The following INSL6 variants were observed in gnomAD, a reference collection of about 807,000 sequenced individuals.
INSL6 encodes insulin like 6.
A neutral mutation model predicts 9.4 loss-of-function variants in INSL6; 16 were observed. The ratio of observed to expected loss-of-function variants is 1.70; its 90% CI spans 1.15 to 2.59. The LOEUF is 2.59. Among genes scored for constraint, INSL6 ranks in the 30% most tolerant of loss-of-function variants. INSL6 has a pLI of 0.00. For synonymous variants in INSL6, 154 were observed against 96.9 expected (o/e 1.59, Z -3.46); for missense variants, 391 against 257.3 (o/e 1.52, Z -3.56).
chr9:5,100,923 T>C, the INSL6 span: 6 of 152,256 alleles, frequency 3.9e-5, no homozygotes, highest in African/African-American at 7.2e-5. Context: ...TTACAAGATG[T>C]CTGAATAGGA....
At chr9:5,011,601 A>G in the INSL6 span, among the ~76,000 whole-genome samples, 7 of 152,178 alleles carry the variant, frequency 4.6e-5, no homozygotes, top group Non-Finnish European at 1.0e-4. Context: ...AAAGTCTTTA[A>G]AATAAATTCT....
chr9:5,107,950 A>G, the INSL6 span: 2 of 152,158 alleles, frequency 1.3e-5, no homozygotes, highest in Non-Finnish European at 2.9e-5. Context: ...TCCGACAATT[A>G]TGCTGTTACC....
the INSL6 span, chr9:5,096,758 C>T: frequency 6.6e-6 from 1 of 152,130 alleles, no homozygotes; most frequent in Non-Finnish European, 1.5e-5. Flanking sequence ...TAGTGGGTAC[C>T]TCCTTAAGCC....
At chr9:5,116,322 T>C in the INSL6 span, among the ~76,000 whole-genome samples, 8 of 152,236 alleles carry the variant, frequency 5.3e-5, no homozygotes, top group East Asian at 1.5e-3. Flanking sequence ...AATCTGGCAT[T>C]AATTGTTCTC....
chr9:5,072,385 A>T, the INSL6 span: 1 of 723,790 alleles, frequency 1.4e-6, no homozygotes, highest in Non-Finnish European at 2.1e-6. Flanking sequence ...TAAGGAAAAT[A>T]CTTGCTTATG....
At chr9:5,015,475 C>T in the INSL6 span, among the ~76,000 whole-genome samples, 2,144 of 152,060 alleles carry the variant, frequency 0.014, 60 homozygotes, top group African/African-American at 0.049. Context: ...GGCACCTTAG[C>T]ACAAATCAAA....
chr9:5,107,158 T>A, the INSL6 span, among the ~76,000 whole-genome samples: 1 of 152,150 alleles, frequency 6.6e-6, no homozygotes, highest in Non-Finnish European at 1.5e-5. Flanking sequence ...AGGATCCTAC[T>A]CTTTTAGTAT....
At chr9:5,129,822 C>A (rs1400713508) in intron 3 of INSL6, among the ~76,000 whole-genome samples, 2 of 152,036 alleles carry the variant, frequency 1.3e-5, no homozygotes, top group African/African-American at 4.8e-5. Context: ...TATCATATAG[C>A]CTTTAACTTT....
At chr9:5,152,394 T>C (rs1282566628) in intron 2 of INSL6, among the ~76,000 whole-genome samples, 3 of 152,076 alleles carry the variant, frequency 2.0e-5, no homozygotes, top group African/African-American at 7.2e-5. Flanking sequence ...GAAATTAATA[T>C]AAGAAAGATA....
At chr9:5,049,627 C>T in the INSL6 span, among the ~76,000 whole-genome samples, 25 of 152,250 alleles carry the variant, frequency 1.6e-4, no homozygotes, top group African/African-American at 5.1e-4. Context: ...GCTTCTGTTT[C>T]GCTTCTAAGC....
chr9:5,070,194 A>T, the INSL6 span: 3 of 492,296 alleles, frequency 6.1e-6, no homozygotes, highest in Non-Finnish European at 1.0e-5. Flanking sequence ...TATGAAAAAT[A>T]TGCCAACCTT....
chr9:5,027,971 T>G, the INSL6 span, among the ~76,000 whole-genome samples: 2 of 152,194 alleles, frequency 1.3e-5, no homozygotes, highest in Non-Finnish European at 2.9e-5. Flanking sequence ...AGAATCAGCT[T>G]CTTCCAAACT....
intron 3 of INSL6, among the ~76,000 whole-genome samples, chr9:5,130,342 C>T (rs948700101): frequency 6.6e-6 from 1 of 152,096 alleles, no homozygotes; most frequent in Non-Finnish European, 1.5e-5. Flanking sequence ...CATCTTTGAG[C>T]AGTGTGAACA....
the INSL6 span, chr9:5,073,618 T>A: frequency 9.5e-7 from 1 of 1,048,642 alleles, no homozygotes; most frequent in African/African-American, 1.6e-5. Flanking sequence ...AGTGCATCTT[T>A]ATTATGGCAG....
the INSL6 span, among the ~76,000 whole-genome samples, chr9:5,021,331 G>C: frequency 6.6e-6 from 1 of 152,100 alleles, no homozygotes; most frequent in Non-Finnish European, 1.5e-5. Flanking sequence ...CAACCTTCTG[G>C]ACCCCTCTTC....
the INSL6 span, chr9:5,089,726 C>G: frequency 6.3e-7 from 1 of 1,578,262 alleles, no homozygotes; most frequent in South Asian, 1.2e-5. Flanking sequence ...CAGGACAACA[C>G]TGGGGAGGTG....
intron 1 of INSL6, among the ~76,000 whole-genome samples, chr9:5,179,166 C>A (rs369055319): frequency 7.3e-5 from 11 of 151,406 alleles, no homozygotes; most frequent in East Asian, 3.9e-4. Flanking sequence ...AACAAATTTA[C>A]AAGAAAAAAA....
chr9:5,126,705 T>G, intron 3 of INSL6: 1 of 1,610,132 alleles, frequency 6.2e-7, no homozygotes, highest in Non-Finnish European at 8.5e-7. Context: ...CATGACAGAA[T>G]GCTGGAACAA....
the INSL6 span, chr9:5,041,544 T>C: frequency 1.9e-6 from 1 of 532,774 alleles, no homozygotes; most frequent in East Asian, 5.2e-5. Context: ...CTGCGAGAAC[T>C]TCCCAGAGGA....
Sources: allele counts gnomAD v4.1 joint callset (sites outside exome capture counted in the v4.1 genomes callset), GRCh38; gene constraint gnomAD v4.1.1; transcripts MANE v1.5; gene names NCBI Gene and HGNC (gene_info 2026-07-23, HGNC 2026-07-21).